ATG14: variants seen among roughly 807,000 people sequenced by gnomAD.
The protein encoded by ATG14 is beclin 1-associated autophagy-related key regulator.
A neutral mutation model predicts 60.4 loss-of-function variants in ATG14; 35 were observed. The ratio of observed to expected loss-of-function variants is 0.58; its 90% CI spans 0.44 to 0.77. The LOEUF is 0.77. ATG14 is among the 30% of genes least tolerant of loss of function. The pLI is 0.00. For missense variants in ATG14, 647 were observed against 626.3 expected (o/e 1.03, Z -0.35); for synonymous variants, 234 against 228.8 (o/e 1.02, Z -0.21).
At chr14:55,375,490 ATTTTTTT>A (rs779634897) in intron 9 of ATG14, among the ~76,000 whole-genome samples, 5 of 117,798 alleles carry the variant, frequency 4.2e-5, no homozygotes, top group Non-Finnish European at 5.0e-5. Context: ...GCCGGGCTAA[ATTTTTTT>A]TTTTTTTTTT....
chr14:55,392,821 T>C (rs1885242000), intron 3 of ATG14, among the ~76,000 whole-genome samples: 1 of 152,146 alleles, frequency 6.6e-6, no homozygotes, highest in South Asian at 2.1e-4. Flanking sequence ...TACAGGGATG[T>C]TATGGTGAGC....
rs761169489 is a variant in ATG14 at position 55,382,118 on chromosome 14, G to C, written c.721C>G (p.Arg241Gly). ...SSTVSKLAEA[R>G]RTTYLSGRWV... ...CGTCCTGAGAGGTAAGTTGTCCTCCGGGCTTCAGCAAGCTTGCTCACAGTG... is the reference window on the plus strand; with the variant it reads ...CGTCCTGAGAGGTAAGTTGTCCTCCCGGCTTCAGCAAGCTTGCTCACAGTG... The change falls in exon 6 of 10, where the codon CGG (arginine) becomes GGG (glycine). Residue 241 changes from arginine (R) to glycine (G), a missense_variant. Transcript: ENST00000247178. 1.2e-6 allele frequency: 2 copies of C among 1,613,980 alleles called. No individual in the cohort carries two copies. Among genetic ancestry groups the C allele is most frequent in the Non-Finnish European group, 1.7e-6 (2 of 1,179,998 alleles).
chr14:55,381,282 A>G (rs1424445319), intron 6 of ATG14, among the ~76,000 whole-genome samples: 1 of 152,256 alleles, frequency 6.6e-6, no homozygotes, highest in Non-Finnish European at 1.5e-5. Context: ...CGAAATGAAC[A>G]AAGAATCTTT....
At chr14:55,403,281 A>C (rs1484404193) in intron 1 of ATG14, among the ~76,000 whole-genome samples, 1 of 152,086 alleles carries the variant, frequency 6.6e-6, no homozygotes, top group African/African-American at 2.4e-5. Flanking sequence ...CACTGCAACG[A>C]ATGATTCTGC....
intron 9 of ATG14, among the ~76,000 whole-genome samples, chr14:55,373,952 A>G (rs1884871063): frequency 6.6e-6 from 1 of 152,200 alleles, no homozygotes. Flanking sequence ...GGACTCCTGA[A>G]GTTCTACTTC....
In ATG14 at chr14:55,369,945, G is replaced by A. The variant is rs1378730194; in HGVS notation, c.1173-20C>T. On this transcript the variant is annotated intron_variant, in intron 9 of 9. Transcript: ENST00000247178. ...CCTGACCTGTGTGCAGACAATGAGG[G>A]TCTCTTTAGGATAACAACCATTCTC... 1.3e-6 allele frequency: 2 copies of A among 1,570,892 alleles called. No homozygotes were observed. Among genetic ancestry groups the A allele is most frequent in the Admixed American group, 1.8e-5 (1 of 54,410 alleles).
intron 9 of ATG14, among the ~76,000 whole-genome samples, chr14:55,372,567 C>CT (rs1884843068): frequency 6.9e-6 from 1 of 144,360 alleles, no homozygotes; most frequent in African/African-American, 2.8e-5. Flanking sequence ...CCCTCCCTCC[C>CT]TTCTTTCCAT....
chr14:55,377,542 A>G (rs1884942414), intron 9 of ATG14, among the ~76,000 whole-genome samples: 1 of 152,168 alleles, frequency 6.6e-6, no homozygotes, highest in African/African-American at 2.4e-5. Context: ...CTTCAGGAAA[A>G]GCACAAAAAG....
chr14:55,388,876 C>G (rs76413332), intron 4 of ATG14, among the ~76,000 whole-genome samples: 8,864 of 152,228 alleles, frequency 0.058, 328 homozygotes, highest in South Asian at 0.09. Flanking sequence ...GCGTCTAGAT[C>G]TGGGCCCATC....
chr14:55,402,926 AATATATAT>A (rs71131262), intron 1 of ATG14, among the ~76,000 whole-genome samples: 373 of 16,358 alleles, frequency 0.023, 8 homozygotes, highest in African/African-American at 0.059. Flanking sequence ...AAAAAAAAAA[AATATATAT>A]ATATATATAT....
At chr14:55,399,539 G>C (rs1679799635) in intron 1 of ATG14, among the ~76,000 whole-genome samples, 1 of 152,132 alleles carries the variant, frequency 6.6e-6, no homozygotes, top group Non-Finnish European at 1.5e-5. Flanking sequence ...ACAAAACAAG[G>C]CATCCTCCAG....
At chr14:55,376,819 AG>A (rs1306575352) in intron 9 of ATG14, among the ~76,000 whole-genome samples, 1 of 152,224 alleles carries the variant, frequency 6.6e-6, no homozygotes, top group Non-Finnish European at 1.5e-5. Context: ...GACTGCTAAG[AG>A]CAAGGAAAAA....
At chr14:55,374,577 GGTTTTGT>G (rs1187176850) in intron 9 of ATG14, among the ~76,000 whole-genome samples, 1 of 151,992 alleles carries the variant, frequency 6.6e-6, no homozygotes, top group Admixed American at 6.6e-5. Context: ...ATGGTTTTTG[GGTTTTGT>G]GGCTTACTTG....
intron 3 of ATG14, among the ~76,000 whole-genome samples, chr14:55,392,420 GGCA>G (rs1458790961): frequency 6.6e-6 from 1 of 152,096 alleles, no homozygotes; most frequent in African/African-American, 2.4e-5. Flanking sequence ...AGCTGAGGCA[GGCA>G]CATCACTTGA....
intron 1 of ATG14, among the ~76,000 whole-genome samples, chr14:55,402,927 AT>A (rs1176076331): frequency 6.6e-3 from 59 of 8,904 alleles, no homozygotes; most frequent in Non-Finnish European, 8.2e-3. Flanking sequence ...AAAAAAAAAA[AT>A]ATATATATAT....
chr14:55,400,339 G>T (rs1457472150), intron 1 of ATG14, among the ~76,000 whole-genome samples: 1 of 152,138 alleles, frequency 6.6e-6, no homozygotes, highest in Non-Finnish European at 1.5e-5. Flanking sequence ...GTGTGTGTAG[G>T]GGGATCCATA....
intron 5 of ATG14, 82 bp from the exon 6 acceptor site, chr14:55,382,273 C>T: frequency 8.1e-7 from 1 of 1,231,492 alleles, no homozygotes; most frequent in East Asian, 2.4e-5. Flanking sequence ...CATGCTAGAA[C>T]ATCGAAAAGC....
chr14:55,404,415 C>T (rs1885456891), intron 1 of ATG14, among the ~76,000 whole-genome samples: 4 of 152,224 alleles, frequency 2.6e-5, no homozygotes, highest in Admixed American at 2.6e-4. Flanking sequence ...ACTGCTCTGC[C>T]ATGCGCAAGT....
intron 7 of ATG14, among the ~76,000 whole-genome samples, chr14:55,378,894 G>A (rs115927713): frequency 0.014 from 2,113 of 151,818 alleles, 37 homozygotes; most frequent in African/African-American, 0.044. Flanking sequence ...TTTTAGTAGC[G>A]ACAAGGTCTC....
Sources: gnomAD v4.1 joint callset for allele counts (sites outside exome capture counted in the v4.1 genomes callset) on GRCh38, gnomAD v4.1.1 for gene constraint, MANE v1.5 for transcripts, NCBI Gene and HGNC (gene_info 2026-07-23, HGNC 2026-07-21) for gene names.